Variants in DFFB observed in about 807,000 individuals in gnomAD.
DFFB encodes DNA fragmentation factor 40 kDa subunit.
DFFB carries 29 observed loss-of-function variants against 32.7 expected under a neutral mutation model. That is an observed-to-expected ratio of 0.89 (90% CI 0.66 to 1.21). The LOEUF (loss-of-function observed/expected upper bound fraction) is 1.21, where lower values mean the gene tolerates loss of function less well. Among genes scored for constraint, DFFB ranks in the 50% most tolerant of loss-of-function variants. The pLI is 0.00. For missense variants in DFFB, 398 were observed against 440.6 expected (o/e 0.90, Z 0.87); for synonymous variants, 170 against 177.1 (o/e 0.96, Z 0.32).
chr1:3,880,279 C>T (rs564239307), intron 6 of DFFB, among the ~76,000 whole-genome samples: 1 of 152,288 alleles, frequency 6.6e-6, no homozygotes, highest in East Asian at 1.9e-4. Context: ...TGGCCATGAC[C>T]CCACAGGGAG....
At chr1:3,859,802 A>T (rs1644844077) in intron 2 of DFFB, among the ~76,000 whole-genome samples, 1 of 152,206 alleles carries the variant, frequency 6.6e-6, no homozygotes, top group Admixed American at 6.5e-5. Context: ...TGGCCCCTGC[A>T]GGAGGTGGGG....
chr1:3,875,445 C>T (rs887409733), intron 6 of DFFB, among the ~76,000 whole-genome samples: 1 of 152,154 alleles, frequency 6.6e-6, no homozygotes, highest in Non-Finnish European at 1.5e-5. Flanking sequence ...ACCTCTGTTC[C>T]CTCTCTGAGC....
chr1:3,879,042 C>T (rs1294221841), intron 6 of DFFB, among the ~76,000 whole-genome samples: 1 of 152,246 alleles, frequency 6.6e-6, no homozygotes, highest in Non-Finnish European at 1.5e-5. Flanking sequence ...TGAAGAATAA[C>T]TCCATTGTCT....
chr1:3,874,756 C>T (rs983238440), intron 6 of DFFB, among the ~76,000 whole-genome samples: 3 of 150,386 alleles, frequency 2.0e-5, no homozygotes, highest in Non-Finnish European at 4.4e-5. Flanking sequence ...CGTGTAGCCG[C>T]ACCTTTACCA....
At chr1:3,877,386 T>C (rs1189784578) in intron 6 of DFFB, among the ~76,000 whole-genome samples, 1 of 142,378 alleles carries the variant, frequency 7.0e-6, no homozygotes, top group Admixed American at 7.4e-5. Flanking sequence ...TGGAGTGCAG[T>C]GGCATGATCT....
intron 2 of DFFB, among the ~76,000 whole-genome samples, chr1:3,861,288 A>G (rs1644876122): frequency 6.6e-6 from 1 of 151,930 alleles, no homozygotes; most frequent in Non-Finnish European, 1.5e-5. Flanking sequence ...GTTCCTTTTC[A>G]TTGCTGAGTA....
At chr1:3,881,655 T>C (rs1645340141) in intron 6 of DFFB, among the ~76,000 whole-genome samples, 1 of 145,982 alleles carries the variant, frequency 6.9e-6, no homozygotes. Context: ...GGTCAGGAGT[T>C]CAAGGCCAGC....
At position 3,868,032 on chromosome 1, in the gene DFFB, G is replaced by T. The variant is rs781353590; in HGVS notation, c.489G>T (p.Arg163=). 8.7e-6 allele frequency: 14 copies of T among 1,614,014 alleles called. No homozygotes were observed. The highest frequency in any genetic ancestry group is 1.2e-5 in the Non-Finnish European group (14 of 1,180,010). The change falls in exon 4 of 7, where the codon CGG becomes CGT. Residue 163 remains arginine, a synonymous_variant. Transcript: ENST00000378209. ...ATCTGAGATACAGCTGTGAGAGCCG[G>T]ATCCGGAGTTACCTGAGGGAGGTGA... ...SGYLRYSCES[R]IRSYLREVSS...
Position 3,864,256 on chromosome 1 carries a change from C to T in DFFB, c.242-1556C>T, listed in dbSNP as rs12081533. Among the ~76,000 whole-genome samples, 861 of 152,198 alleles carry T rather than the reference C, an allele frequency of 5.7e-3. 8 individuals carry two copies. Among genetic ancestry groups the T allele is most frequent in the African/African-American group, 0.019 (803 of 41,504 alleles). On this transcript the variant is annotated intron_variant, in intron 2 of 6. Coordinates refer to ENST00000378209, the MANE Select transcript of DFFB (RefSeq NM_004402.4). ...CTGGGATTACAGGCGTGAGCCACCG[C>T]GCCCGGCCTCTGAATTGTACACTTT...
chr1:3,872,321 G>A (rs1645131762), intron 5 of DFFB, 151 bp from the exon 6 acceptor site: 3 of 596,174 alleles, frequency 5.0e-6, no homozygotes, highest in Admixed American at 2.9e-5. Context: ...GCTGAGGCAG[G>A]AGAATCGCTT....
Position 3,868,017 on chromosome 1 carries a change from C to T in DFFB, c.474C>T (p.Tyr158=). ...RFQSKSGYLR[Y]SCESRIRSYL... is the part of the protein sequence containing the mutation. ...AGAGCAAGTCTGGCTATCTGAGATACAGCTGTGAGAGCCGGATCCGGAGTT... is the reference window on the plus strand; with the variant it reads ...AGAGCAAGTCTGGCTATCTGAGATATAGCTGTGAGAGCCGGATCCGGAGTT... Residue 158 remains tyrosine, a synonymous_variant, in exon 4 of 7, where the codon TAC becomes TAT. Transcript: ENST00000378209. 2 of 1,614,148 alleles carry T rather than the reference C, an allele frequency of 1.2e-6. No homozygotes were observed. Among genetic ancestry groups the T allele is most frequent in the South Asian group, 1.1e-5 (1 of 91,086 alleles).
rs1464874467 is a variant in DFFB at position 3,858,835 on chromosome 1, T to G, written c.232T>G (p.Trp78Gly). The change falls in exon 2 of 7, where the codon TGG (tryptophan) becomes GGG (glycine). Residue 78 changes from tryptophan to glycine, a missense_variant. Transcript: ENST00000378209. ...ELVLLTLGQA[W>G]QGYVSDIRRF... ...GGTGCTGCTCACCTTGGGCCAGGCC[T>G]GGCAGGGCTGTGAGTGGCAAGGACT... 4 of 1,613,612 alleles carry G rather than the reference T, an allele frequency of 2.5e-6. No individual in the cohort carries two copies. Among genetic ancestry groups the G allele is most frequent in the Non-Finnish European group, 2.5e-6 (3 of 1,179,988 alleles).
chr1:3,857,856 C>T, intron 1 of DFFB, 139 bp downstream of exon 1: 2 of 584,036 alleles, frequency 3.4e-6, no homozygotes, highest in Non-Finnish European at 5.7e-6. Context: ...GCCGCTAGGA[C>T]CCCGGGCCCC....
chr1:3,868,021 T>C lies in DFFB; in HGVS notation c.478T>C (p.Cys160Arg). 6.2e-7 allele frequency: 1 copy of C among 1,614,074 alleles called. No homozygotes were observed. ...CAAGTCTGGCTATCTGAGATACAGC[T>C]GTGAGAGCCGGATCCGGAGTTACCT... is the stretch of plus-strand genomic sequence containing the variant. ...QSKSGYLRYSCESRIRSYLRE... is the reference protein window; with the variant it reads ...QSKSGYLRYSRESRIRSYLRE... Residue 160 changes from cysteine (C) to arginine (R), a missense_variant, in exon 4 of 7, where the codon TGT becomes CGT. Physicochemically the swap from Cys to Arg is radical, Grantham distance 180. Transcript: ENST00000378209.
At chr1:3,864,570 C>T (rs1209629746) in intron 2 of DFFB, among the ~76,000 whole-genome samples, 2 of 152,044 alleles carry the variant, frequency 1.3e-5, no homozygotes, top group African/African-American at 4.8e-5. Flanking sequence ...CTCTGTTGCC[C>T]ACGTTGGAGT....
chr1:3,865,932 ACCT>A lies in DFFB; in HGVS notation c.366_368del (p.Leu123del). 12 of 1,607,692 alleles carry A rather than the reference ACCT, an allele frequency of 7.5e-6. No homozygotes were observed. Among genetic ancestry groups the A allele is most frequent in the East Asian group, 4.5e-5 (2 of 44,670 alleles). ...CCACAGAGGCAGAGGCTGCTGGCTGACCTCCTGCACAACGTCAGCCAGAACATC... is the reference window on the plus strand; with the variant it reads ...CCACAGAGGCAGAGGCTGCTGGCTGACCTGCACAACGTCAGCCAGAACATC... On this transcript the variant is annotated inframe_deletion, in exon 3 of 7. Coordinates refer to ENST00000378209, the MANE Select transcript of DFFB (RefSeq NM_004402.4). This position sits in a 1 kb window ranked among gnomAD's most constrained non-coding sequence, Gnocchi z 4.7.
intron 2 of DFFB, among the ~76,000 whole-genome samples, chr1:3,864,856 T>C (rs915199624): frequency 1.3e-5 from 2 of 152,144 alleles, no homozygotes; most frequent in African/African-American, 4.8e-5. Flanking sequence ...GCCCTAAATA[T>C]CTTCTTATGT....
intron 2 of DFFB, among the ~76,000 whole-genome samples, chr1:3,864,628 C>T (rs528883110): frequency 1.8e-4 from 27 of 152,202 alleles, no homozygotes; most frequent in African/African-American, 6.0e-4. Context: ...TGGGCTCAAG[C>T]GATCCTCCTA....
At chr1:3,878,983 T>G (rs1156717908) in intron 6 of DFFB, among the ~76,000 whole-genome samples, 1 of 152,208 alleles carries the variant, frequency 6.6e-6, no homozygotes, top group Non-Finnish European at 1.5e-5. Flanking sequence ...TGAGTAATTA[T>G]TTAGTTAGTA....
Sources: gnomAD v4.1 joint callset for allele counts (sites outside exome capture counted in the v4.1 genomes callset) on GRCh38, gnomAD v4.1.1 for gene constraint, Gnocchi (gnomAD v3.1) non-coding constraint, MANE v1.5 for transcripts, NCBI Gene and HGNC (gene_info 2026-07-23, HGNC 2026-07-21) for gene names.